HDHD5: variants seen among roughly 807,000 people sequenced by gnomAD.
HDHD5 encodes haloacid dehalogenase-like hydrolase domain-containing 5.
Under a neutral mutation model 35.5 loss-of-function variants are expected in HDHD5, and 34 were observed. The observed-to-expected ratio is 0.96, with a 90% CI of 0.73 to 1.28. The LOEUF is 1.28. Among genes scored for constraint, HDHD5 ranks in the 50% most tolerant of loss-of-function variants. HDHD5 has a pLI of 0.00. For synonymous variants in HDHD5, 248 were observed against 240.6 expected (o/e 1.03, Z -0.29); for missense variants, 589 against 560.2 (o/e 1.05, Z -0.52).
At chr22:17,161,420 A>G (rs567471993), upstream of HDHD5, among the ~76,000 whole-genome samples, 10 of 151,728 alleles carry the variant, frequency 6.6e-5, no homozygotes, top group Admixed American at 5.9e-4. Context: ...TTAGCCAGGC[A>G]TGGTGGTGTG....
Position 17,141,104 on chromosome 22 carries a change from G to A in HDHD5, c.701C>T (p.Ala234Val). The A allele has an allele frequency of 6.3e-7, 1 of 1,594,420 alleles. No homozygotes were observed. The highest frequency in any genetic ancestry group is 8.5e-7 in the Non-Finnish European group (1 of 1,171,760). Residue 234 changes from alanine (A) to valine (V), a missense_variant, in exon 6 of 8, where the codon GCC becomes GTC. Ala to Val is a moderately conservative substitution (Grantham distance 64). Coordinates refer to ENST00000336737, the MANE Select transcript of HDHD5 (RefSeq NM_033070.3). ...TPPYPHLPVL[A>V]SNMDLLWMAE... Reference sequence around the variant, plus strand: ...CATCCACAGGAGATCCATGTTGCTGGCTAGGACGGGGAGGTGGGGGTAGGG... The same window carrying A: ...CATCCACAGGAGATCCATGTTGCTGACTAGGACGGGGAGGTGGGGGTAGGG...
At chr22:17,159,536 G>A (rs1233204084), upstream of HDHD5, 2 of 456,336 alleles carry the variant, frequency 4.4e-6, no homozygotes. Context: ...CTATCGCCCT[G>A]TGCCTGCGGA....
intron 1 of HDHD5, among the ~76,000 whole-genome samples, chr22:17,153,253 G>C (rs1362719240): frequency 6.6e-6 from 1 of 152,142 alleles, no homozygotes. Context: ...GTTTATACAA[G>C]GTGTTCAATA....
intron 4 of HDHD5, 141 bp from the exon 5 acceptor site, chr22:17,143,272 G>A: frequency 1.3e-6 from 1 of 796,598 alleles, no homozygotes; most frequent in Non-Finnish European, 1.9e-6. Context: ...CAAGCCAAGG[G>A]AAAGCTGGAG....
At chr22:17,159,554 AAC>A, upstream of HDHD5, 1 of 444,836 alleles carries the variant, frequency 2.2e-6, no homozygotes, top group Non-Finnish European at 4.5e-6. Context: ...GGATCCCGGT[AAC>A]ATTGCGCGGC....
chr22:17,152,515 G>A (rs1297664243), intron 1 of HDHD5, among the ~76,000 whole-genome samples: 2 of 152,116 alleles, frequency 1.3e-5, no homozygotes, highest in Non-Finnish European at 2.9e-5. Flanking sequence ...ATGAGTCACT[G>A]AACCAAAGGG....
At chr22:17,162,952 C>T (rs954629393), upstream of HDHD5, among the ~76,000 whole-genome samples, 6 of 152,344 alleles carry the variant, frequency 3.9e-5, no homozygotes, top group East Asian at 1.9e-4. Context: ...TGTTGCTTAA[C>T]GCATCTTTAT....
At chr22:17,141,333 C>T (rs2061599526) in intron 5 of HDHD5, 100 bp from the exon 6 acceptor site, 2 of 1,465,524 alleles carry the variant, frequency 1.4e-6, no homozygotes, top group Non-Finnish European at 8.9e-7. Context: ...GCCCTCCACC[C>T]ATGGTGCACC....
chr22:17,164,082 A>G (rs1054346897), upstream of HDHD5, among the ~76,000 whole-genome samples: 1 of 152,188 alleles, frequency 6.6e-6, no homozygotes, highest in Non-Finnish European at 1.5e-5. Flanking sequence ...TTAGCTGGGC[A>G]TGGTGGCACG....
At chr22:17,159,706 C>G, upstream of HDHD5, 1 of 300,668 alleles carries the variant, frequency 3.3e-6, no homozygotes, top group Non-Finnish European at 6.5e-6. Flanking sequence ...GGACGCTCGT[C>G]GCGCGCCAAT....
chr22:17,147,636 C>T (rs1601390182), intron 3 of HDHD5, among the ~76,000 whole-genome samples: 1 of 146,330 alleles, frequency 6.8e-6, no homozygotes, highest in Admixed American at 7.2e-5. Flanking sequence ...CAATCACACG[C>T]CATCGCACAC....
upstream of HDHD5, among the ~76,000 whole-genome samples, chr22:17,161,052 C>G (rs1197707117): frequency 1.3e-5 from 2 of 151,856 alleles, no homozygotes; most frequent in African/African-American, 4.8e-5. Context: ...ATCAGGAGTT[C>G]AAGACCAGCC....
At chr22:17,141,489 T>TA in intron 5 of HDHD5, 1 of 1,315,978 alleles carries the variant, frequency 7.6e-7, no homozygotes, top group Non-Finnish European at 9.6e-7. Context: ...CAGAAGAGGT[T>TA]ACAAAACAAA....
intron 1 of HDHD5, 32 bp downstream of exon 1, chr22:17,159,094 G>A (rs765062498): frequency 1.3e-5 from 16 of 1,238,866 alleles, no homozygotes; most frequent in Non-Finnish European, 1.3e-5. Context: ...CCTGAGTGGC[G>A]AGTGGCTCGG....
rs764367715 is a variant in HDHD5, at chr22:17,153,441, G to A, written c.127-3696C>T. Among the ~76,000 whole-genome samples, 40 of 152,246 alleles carry A rather than the reference G, an allele frequency of 2.6e-4. 1 individual carries two copies. The highest frequency in any genetic ancestry group is 4.3e-4 in the Non-Finnish European group (29 of 68,008). On this transcript the variant is annotated intron_variant, in intron 1 of 7. Coordinates refer to ENST00000336737, the MANE Select transcript of HDHD5 (RefSeq NM_033070.3). ...GGACTGCTTCCCCCACCTCCTGCCA[G>A]CTCCCAGCTGTGAGTTCCATTTCTT...
intron 1 of HDHD5, among the ~76,000 whole-genome samples, chr22:17,152,150 G>T (rs531334426): frequency 1.3e-5 from 2 of 152,288 alleles, no homozygotes; most frequent in Non-Finnish European, 2.9e-5. Flanking sequence ...CACAGGGGTG[G>T]GGAAGATTGG....
intron 1 of HDHD5, among the ~76,000 whole-genome samples, chr22:17,157,628 G>T (rs983610417): frequency 6.6e-6 from 1 of 152,060 alleles, no homozygotes; most frequent in African/African-American, 2.4e-5. Flanking sequence ...TATAAATAAG[G>T]GCGATATTTC....
At chr22:17,144,253 C>CT in intron 4 of HDHD5, among the ~76,000 whole-genome samples, 1 of 151,740 alleles carries the variant, frequency 6.6e-6, no homozygotes, top group East Asian at 1.9e-4. Context: ...CTTCTCTGGG[C>CT]TTTTTCCTTT....
At chr22:17,142,990 G>C (rs577812295) in intron 5 of HDHD5, 108 bp downstream of exon 5, 4 of 1,184,366 alleles carry the variant, frequency 3.4e-6, no homozygotes, top group East Asian at 2.6e-5. Context: ...TGACTCCAAG[G>C]CCCCTTGCTG....
Sources: allele counts gnomAD v4.1 joint callset (sites outside exome capture counted in the v4.1 genomes callset), GRCh38; gene constraint gnomAD v4.1.1; transcripts MANE v1.5; gene names NCBI Gene and HGNC (gene_info 2026-07-23, HGNC 2026-07-21).